Variants in CAND2 observed in about 807,000 individuals in gnomAD.
The protein encoded by CAND2 is cullin-associated NEDD8-dissociated protein 2.
CAND2 carries 62 observed loss-of-function variants against 98.9 expected under a neutral mutation model. The ratio of observed to expected loss-of-function variants is 0.63; its 90% CI spans 0.51 to 0.77. The LOEUF is 0.77. CAND2 is among the 30% of genes least tolerant of loss of function. The pLI is 0.00. For missense variants in CAND2, 1,501 were observed against 1,655.2 expected (o/e 0.91, Z 1.62); for synonymous variants, 770 against 731.9 (o/e 1.05, Z -0.84).
intron 14 of CAND2, 42 bp from the exon 15 acceptor site, chr3:12,833,713 G>A (rs373873061): frequency 7.2e-5 from 110 of 1,522,404 alleles, no homozygotes; most frequent in Non-Finnish European, 9.5e-5. Context: ...GTGTGGGCCA[G>A]GCTCAATAAA....
chr3:12,813,499 C>A, intron 7 of CAND2, 111 bp downstream of exon 7: 1 of 1,094,916 alleles, frequency 9.1e-7, no homozygotes, highest in Non-Finnish European at 1.3e-6. Flanking sequence ...CTGATGCCAG[C>A]TCTTTCTCAA....
At chr3:12,807,270 T>C (rs1327464462) in intron 2 of CAND2, 36 bp from the exon 3 acceptor site, 17 of 1,543,916 alleles carry the variant, frequency 1.1e-5, no homozygotes, top group Admixed American at 2.0e-5. Context: ...GGCTGAACCT[T>C]GTGCCCTTGG....
At chr3:12,822,091 T>C (rs1227116955) in intron 11 of CAND2, among the ~76,000 whole-genome samples, 1 of 152,184 alleles carries the variant, frequency 6.6e-6, no homozygotes, top group Non-Finnish European at 1.5e-5. Flanking sequence ...TCTAGTTCCA[T>C]TATTCTTTCC....
chr3:12,806,116 G>A (rs746159019), intron 2 of CAND2, among the ~76,000 whole-genome samples: 17 of 152,204 alleles, frequency 1.1e-4, no homozygotes, highest in Admixed American at 2.6e-4. Context: ...AGGATCACTT[G>A]AGGCCAGCAG....
At chr3:12,823,622 A>G (rs1469808340) in intron 11 of CAND2, among the ~76,000 whole-genome samples, 1 of 152,146 alleles carries the variant, frequency 6.6e-6, no homozygotes, top group Non-Finnish European at 1.5e-5. Context: ...CCAGCTACTC[A>G]GGAGGCTTGA....
chr3:12,797,926 C>G (rs1248714843), intron 1 of CAND2, among the ~76,000 whole-genome samples: 1 of 152,056 alleles, frequency 6.6e-6, no homozygotes, highest in African/African-American at 2.4e-5. Context: ...CAGCCCATTC[C>G]TCAGTACCCC....
Position 12,815,786 on chromosome 3 carries a change from C to A in CAND2, c.1300-81C>A. The A allele has an allele frequency of 1.4e-6, 2 of 1,384,628 alleles. No homozygotes were observed. Among genetic ancestry groups the A allele is most frequent in the Admixed American group, 1.9e-5 (1 of 52,062 alleles). The allele number at this position is 1,384,628 out of a possible 1,614,324, so 85.8% of individuals were successfully genotyped here. On this transcript the variant is annotated intron_variant, in intron 8 of 14. Coordinates refer to ENST00000456430, the MANE Select transcript of CAND2 (RefSeq NM_001162499.2). This position sits in a 1 kb window ranked among gnomAD's most constrained non-coding sequence, Gnocchi z 5.7. ...GCCGACATCCTCCCTGGGGATGTGT[C>A]TGGCAAAGCCTCCTGGTAGTGGGCA...
rs1273246190 is a variant in CAND2 at position 12,817,134 on chromosome 3, C to T, written c.2202C>T (p.Gly734=). 1 of 1,613,058 alleles carries T rather than the reference C, an allele frequency of 6.2e-7. No homozygotes were observed. Among genetic ancestry groups the T allele is most frequent in the Non-Finnish European group, 8.5e-7 (1 of 1,179,994 alleles). ...AQPASLVEVS[G]PVLSELLRLL... ...CAGCCTCTTTGGTGGAGGTCAGTGG[C>T]CCTGTGCTCTCAGAGCTGCTGCGGC... Residue 734 remains glycine (G), a synonymous_variant, in exon 10 of 15, where the codon GGC becomes GGT. Transcript: ENST00000456430.
chr3:12,813,181 T>C, intron 6 of CAND2, 65 bp from the exon 7 acceptor site: 1 of 1,596,832 alleles, frequency 6.3e-7, no homozygotes, highest in Non-Finnish European at 8.5e-7. Context: ...GGACTCCCAT[T>C]GGGCCCTGTC....
rs568303060 is a variant in CAND2, at chr3:12,816,968, T to C, written c.2036T>C (p.Leu679Pro). Reference sequence around the variant, plus strand: ...GCCACACTGGCAGCCCTGGACGCCCTGGCCCAGAGCCAGGGCCTCAGCCTC... The same window carrying C: ...GCCACACTGGCAGCCCTGGACGCCCCGGCCCAGAGCCAGGGCCTCAGCCTC... ...RLATLAALDALAQSQGLSLPP... is the reference protein window; with the variant it reads ...RLATLAALDAPAQSQGLSLPP... Residue 679 changes from leucine to proline, a missense_variant, in exon 10 of 15, where the codon CTG becomes CCG. Coordinates refer to ENST00000456430, the MANE Select transcript of CAND2 (RefSeq NM_001162499.2). 15 of 1,613,124 alleles carry C rather than the reference T, an allele frequency of 9.3e-6. No homozygotes were observed. Among genetic ancestry groups the C allele is most frequent in the Non-Finnish European group, 1.3e-5 (15 of 1,179,856 alleles).
At position 12,808,258 on chromosome 3, in the gene CAND2, C is replaced by A; in HGVS notation, c.416C>A (p.Thr139Asn). The A allele has an allele frequency of 6.4e-7, 1 of 1,551,438 alleles. No individual in the cohort carries two copies. The highest frequency in any genetic ancestry group is 8.7e-7 in the Non-Finnish European group (1 of 1,146,982). ...NVCRKITGQL[T>N]SAIAQQEDVA... ...TGCCGGAAGATCACAGGCCAGCTCA[C>A]CAGTGCCATTGCCCAGCAGGAGGAT... is the stretch of plus-strand genomic sequence containing the variant. Residue 139 changes from threonine (T) to asparagine (N), a missense_variant, in exon 4 of 15, where the codon ACC (threonine) becomes AAC (asparagine). Transcript: ENST00000456430.
rs1407883495 is a variant in CAND2 at position 12,826,830 on chromosome 3, C to CT, written c.3211-592dup. Among the ~76,000 whole-genome samples, 1,104 of 131,750 alleles carry CT rather than the reference C, an allele frequency of 8.4e-3. 11 individuals carry two copies. Among genetic ancestry groups the CT allele is most frequent in the African/African-American group, 0.022 (746 of 34,642 alleles). 86.4% of individuals were successfully genotyped at this position (131,750 alleles called of 152,430 possible). ...CATTAAATGGGATCAGTAACATTTA[C>CT]TTTTTTTTTTTTTTTTTTGAGATGG... On this transcript the variant is annotated intron_variant, in intron 12 of 14. Transcript: ENST00000456430.
Position 12,807,346 on chromosome 3 carries a change from G to A in CAND2, c.253G>A (p.Glu85Lys), listed in dbSNP as rs2061814344. The change falls in exon 3 of 15, where the codon GAG becomes AAG. Residue 85 changes from glutamate to lysine, a missense_variant. By Grantham distance (56) the Glu-to-Lys change is moderately conservative. Coordinates refer to ENST00000456430, the MANE Select transcript of CAND2 (RefSeq NM_001162499.2). ...GGTCAAAGTGAAGGAGTACCAGGTG[G>A]AGACCATTGTGGACACCCTGTGCAC... The part of the protein sequence containing the change: ...LVVKVKEYQV[E>K]TIVDTLCTNM... The A allele has an allele frequency of 6.4e-7, 1 of 1,551,510 alleles. No homozygotes were observed. The highest frequency in any genetic ancestry group is 8.7e-7 in the Non-Finnish European group (1 of 1,146,950).
In CAND2 at chr3:12,812,221, CTTTT is replaced by C. The variant is rs531439250; in HGVS notation, c.758-753_758-750del. 1.7e-3 allele frequency among the ~76,000 whole-genome samples: 128 copies of C among 74,518 alleles called. 4 individuals are homozygous for C. The highest frequency in any genetic ancestry group is 6.6e-4 in the Non-Finnish European group (26 of 39,640). 48.9% of individuals were successfully genotyped at this position (74,518 alleles called of 152,430 possible). A position where few individuals can be genotyped will look rare whatever the true frequency, so the allele number is the denominator to read the frequency against. ...ACCATGCCCGGCCTAAGCTGTTTAT[CTTTT>C]TTTTTTTTTTTTTTTGGAGATAGAA... On this transcript the variant is annotated intron_variant, in intron 5 of 14. Coordinates refer to ENST00000456430, the MANE Select transcript of CAND2 (RefSeq NM_001162499.2).
chr3:12,809,928 C>T, intron 4 of CAND2, 131 bp from the exon 5 acceptor site: 1 of 976,938 alleles, frequency 1.0e-6, no homozygotes, highest in South Asian at 2.2e-5. Flanking sequence ...TTGCAGGGCA[C>T]CTCTTTTGCA....
intron 2 of CAND2, among the ~76,000 whole-genome samples, chr3:12,805,424 A>G (rs55905243): frequency 0.023 from 3,539 of 151,994 alleles, 109 homozygotes; most frequent in African/African-American, 0.078. Flanking sequence ...AGTAGCTGAC[A>G]TTACAGGCAT....
At chr3:12,825,379 C>T (rs748373520) in intron 11 of CAND2, 91 bp from the exon 12 acceptor site, 22 of 1,299,766 alleles carry the variant, frequency 1.7e-5, no homozygotes, top group South Asian at 7.1e-5. Context: ...CAGTTCTGCA[C>T]GTGCACAGTA....
chr3:12,804,558 G>A (rs532538045), intron 2 of CAND2, among the ~76,000 whole-genome samples: 1 of 152,330 alleles, frequency 6.6e-6, no homozygotes, highest in African/African-American at 2.4e-5. Context: ...GTGATCCTGA[G>A]ACGTTGGCCA....
chr3:12,817,118 T>G lies in CAND2; in HGVS notation c.2186T>G (p.Leu729Trp). Residue 729 changes from leucine (L) to tryptophan (W), a missense_variant, in exon 10 of 15, where the codon TTG (leucine) becomes TGG (tryptophan). Leu to Trp is a moderately conservative substitution (Grantham distance 61, BLOSUM62 -2). Transcript: ENST00000456430. ...ATVTQAQPASLVEVSGPVLSE... is the reference protein window; with the variant it reads ...ATVTQAQPASWVEVSGPVLSE... Reference sequence around the variant, plus strand: ...GTGACCCAGGCCCAGCCAGCCTCTTTGGTGGAGGTCAGTGGCCCTGTGCTC... The same window carrying G: ...GTGACCCAGGCCCAGCCAGCCTCTTGGGTGGAGGTCAGTGGCCCTGTGCTC... 1 of 1,613,050 alleles carries G rather than the reference T, an allele frequency of 6.2e-7. No homozygotes were observed. The highest frequency in any genetic ancestry group is 8.5e-7 in the Non-Finnish European group (1 of 1,179,980).
Sources: gnomAD v4.1 joint callset for allele counts (sites outside exome capture counted in the v4.1 genomes callset) on GRCh38, gnomAD v4.1.1 for gene constraint, Gnocchi (gnomAD v3.1) non-coding constraint, MANE v1.5 for transcripts, NCBI Gene and HGNC (gene_info 2026-07-23, HGNC 2026-07-21) for gene names.